Variants in TMEM232 observed in about 807,000 individuals in gnomAD.
TMEM232 encodes transmembrane protein 232.
TMEM232 carries 80 observed loss-of-function variants against 78.8 expected under a neutral mutation model. That is an observed-to-expected ratio of 1.01 (90% CI 0.85 to 1.22). The LOEUF (loss-of-function observed/expected upper bound fraction) is 1.22. Among genes scored for constraint, TMEM232 ranks in the 50% most tolerant of loss-of-function variants. TMEM232 has a pLI of 0.00. For missense variants in TMEM232, 881 were observed against 742.2 expected (o/e 1.19, Z -2.17); for synonymous variants, 297 against 254.3 (o/e 1.17, Z -1.60).
At chr5:110,635,307 G>A (rs1785645682) in intron 5 of TMEM232, among the ~76,000 whole-genome samples, 1 of 151,682 alleles carries the variant, frequency 6.6e-6, no homozygotes, top group African/African-American at 2.4e-5. Context: ...AAAGTAAAAG[G>A]CGAGGGAACT....
At chr5:110,561,589 T>C (rs547101281) in intron 11 of TMEM232, among the ~76,000 whole-genome samples, 39 of 152,262 alleles carry the variant, frequency 2.6e-4, no homozygotes, top group Non-Finnish European at 4.4e-4. Context: ...ATCCCATTTA[T>C]GCAGCTTTCT....
intron 3 of TMEM232, among the ~76,000 whole-genome samples, chr5:110,391,399 C>T (rs1329782328): frequency 6.6e-6 from 1 of 151,508 alleles, no homozygotes; most frequent in Non-Finnish European, 1.5e-5. Context: ...CATTTATTCC[C>T]TCATGCAATA....
At chr5:110,469,729 A>C (rs1762466643) in intron 12 of TMEM232, among the ~76,000 whole-genome samples, 2 of 152,158 alleles carry the variant, frequency 1.3e-5, no homozygotes, top group African/African-American at 4.8e-5. Flanking sequence ...CCTGAGCTGA[A>C]ATGACACATT....
At chr5:110,563,033 T>A (rs1159702862) in intron 11 of TMEM232, among the ~76,000 whole-genome samples, 1 of 152,026 alleles carries the variant, frequency 6.6e-6, no homozygotes, top group African/African-American at 2.4e-5. Context: ...ACATATACTA[T>A]GCCTAAATCA....
chr5:110,738,906 G>T (rs1005330673), upstream of TMEM232: 3 of 1,308,762 alleles, frequency 2.3e-6, no homozygotes, highest in African/African-American at 4.5e-5. Flanking sequence ...CCAGGTTACC[G>T]CCGCGTCTCC....
rs560059321 is a variant in TMEM232, at chr5:110,564,802, G to T, written c.1455+3645C>A. Among the ~76,000 whole-genome samples, 45 of 151,978 alleles carry T rather than the reference G, an allele frequency of 3.0e-4. 1 individual carries two copies. Among genetic ancestry groups the T allele is most frequent in the African/African-American group, 1.1e-3 (45 of 41,518 alleles). On this transcript the variant is annotated intron_variant, in intron 11 of 13. Coordinates refer to ENST00000455884, the MANE Select transcript of TMEM232 (RefSeq NM_001039763.4). Reference sequence around the variant, plus strand: ...TGCTGGACCTGTAGAGATCAGGGTGGCCACCTATTCTCATTGCCTGAAGAG... The same window carrying T: ...TGCTGGACCTGTAGAGATCAGGGTGTCCACCTATTCTCATTGCCTGAAGAG...
chr5:110,508,812 G>A (rs1767278673), intron 12 of TMEM232, among the ~76,000 whole-genome samples: 1 of 144,206 alleles, frequency 6.9e-6, no homozygotes, highest in Non-Finnish European at 1.5e-5. Flanking sequence ...AACTGATTGA[G>A]GAAATACACA....
chr5:110,534,448 C>T (rs964457808), intron 11 of TMEM232, among the ~76,000 whole-genome samples: 5 of 152,188 alleles, frequency 3.3e-5, no homozygotes, highest in African/African-American at 4.8e-5. Flanking sequence ...CAGGCCTGTC[C>T]TCAGAATGCT....
intron 12 of TMEM232, among the ~76,000 whole-genome samples, chr5:110,460,292 AGTGTGTGT>A (rs112235101): frequency 1.3e-5 from 2 of 149,398 alleles, no homozygotes; most frequent in Admixed American, 1.3e-4. Flanking sequence ...TGTATAAGTA[AGTGTGTGT>A]GTGTGTGTGT....
chr5:110,549,421 C>G (rs1490876468), intron 11 of TMEM232, among the ~76,000 whole-genome samples: 1 of 151,434 alleles, frequency 6.6e-6, no homozygotes, highest in East Asian at 1.9e-4. Flanking sequence ...GTGAGACCAG[C>G]CTGGGCAATA....
At chr5:110,526,944 G>A (rs865920714) in intron 12 of TMEM232, among the ~76,000 whole-genome samples, 4 of 151,758 alleles carry the variant, frequency 2.6e-5, no homozygotes, top group African/African-American at 9.7e-5. Context: ...AATGACAAAT[G>A]CAAGATGCCA....
intron 11 of TMEM232, among the ~76,000 whole-genome samples, chr5:110,562,737 A>G (rs1392450222): frequency 6.6e-6 from 1 of 152,074 alleles, no homozygotes; most frequent in Non-Finnish European, 1.5e-5. Context: ...CACAGTAAAT[A>G]ATAAATATTT....
intron 12 of TMEM232, among the ~76,000 whole-genome samples, chr5:110,425,140 T>A (rs1270098079): frequency 3.3e-5 from 5 of 152,110 alleles, no homozygotes; most frequent in Non-Finnish European, 7.4e-5. Context: ...TATAGGATGA[T>A]TAAAGTGCAT....
intron 11 of TMEM232, among the ~76,000 whole-genome samples, chr5:110,547,811 G>A (rs867011559): frequency 6.6e-6 from 1 of 151,566 alleles, no homozygotes; most frequent in Non-Finnish European, 1.5e-5. Flanking sequence ...CAGCCTGTCC[G>A]GCATGGTGAA....
At chr5:110,719,760 G>A (rs933770481) in intron 1 of TMEM232, among the ~76,000 whole-genome samples, 1 of 152,070 alleles carries the variant, frequency 6.6e-6, no homozygotes, top group Admixed American at 6.6e-5. Flanking sequence ...GTCACCCTGG[G>A]ATGACAGTGA....
chr5:110,656,787 G>A (rs572526931), intron 2 of TMEM232, among the ~76,000 whole-genome samples: 4 of 150,488 alleles, frequency 2.7e-5, no homozygotes, highest in South Asian at 2.1e-4. Flanking sequence ...GCAGTGAGCC[G>A]ACACTGCACC....
intron 10 of TMEM232, among the ~76,000 whole-genome samples, chr5:110,598,935 A>G (rs950718020): frequency 6.6e-6 from 1 of 151,228 alleles, no homozygotes; most frequent in African/African-American, 2.4e-5. Flanking sequence ...TGGGTGCAGC[A>G]CACCAGCATG....
intron 1 of TMEM232, among the ~76,000 whole-genome samples, chr5:110,678,786 C>T: frequency 6.6e-6 from 1 of 152,036 alleles, no homozygotes. Context: ...ACTATGTAGC[C>T]TTTTCAGATT....
chr5:110,478,136 T>A (rs35357853), intron 12 of TMEM232, among the ~76,000 whole-genome samples: 1 of 152,072 alleles, frequency 6.6e-6, no homozygotes, highest in South Asian at 2.1e-4. Flanking sequence ...GCTGTCTGTA[T>A]CCCACGCTAT....
Sources: gnomAD v4.1 joint callset for allele counts (sites outside exome capture counted in the v4.1 genomes callset) on GRCh38, gnomAD v4.1.1 for gene constraint, MANE v1.5 for transcripts, NCBI Gene and HGNC (gene_info 2026-07-23, HGNC 2026-07-21) for gene names.